ARHGAP28: variants seen among roughly 807,000 people sequenced by gnomAD.
The protein encoded by ARHGAP28 is rho GTPase-activating protein 28.
In ARHGAP28, 56 loss-of-function variants were observed where a neutral mutation model predicts 90.7. That is an observed-to-expected ratio of 0.62 (90% CI 0.50 to 0.77). The LOEUF (loss-of-function observed/expected upper bound fraction) is 0.77, where lower values mean the gene tolerates loss of function less well. Among genes scored for constraint, ARHGAP28 ranks in the 30% least tolerant of loss-of-function variants. ARHGAP28 has a pLI of 0.00. For synonymous variants in ARHGAP28, 308 were observed against 323.3 expected (o/e 0.95, Z 0.51); for missense variants, 869 against 900.9 (o/e 0.96, Z 0.45).
At chr18:6,820,239 T>C (rs1007539050) in intron 1 of ARHGAP28, among the ~76,000 whole-genome samples, 4 of 152,170 alleles carry the variant, frequency 2.6e-5, no homozygotes, top group Non-Finnish European at 5.9e-5. Context: ...TAAAAAGAAC[T>C]AATTGGATAT....
intron 2 of ARHGAP28, among the ~76,000 whole-genome samples, chr18:6,835,321 T>C (rs9946699): frequency 0.79 from 120,288 of 152,074 alleles, 47,710 homozygotes; most frequent in Middle Eastern, 0.81. Flanking sequence ...AAAGCTTATC[T>C]ATAGCTTAAG....
intron 1 of ARHGAP28, among the ~76,000 whole-genome samples, chr18:6,770,252 A>G (rs1468566100): frequency 1.3e-5 from 2 of 152,244 alleles, no homozygotes; most frequent in African/African-American, 4.8e-5. Context: ...TTATTAAAAT[A>G]TGATATATGG....
At chr18:6,829,267 A>G (rs891898583) in intron 2 of ARHGAP28, among the ~76,000 whole-genome samples, 3 of 152,184 alleles carry the variant, frequency 2.0e-5, no homozygotes, top group African/African-American at 7.2e-5. Flanking sequence ...AGCTATTCAT[A>G]TTAAACACCA....
Position 6,887,175 on chromosome 18 carries a change from TAC to T in ARHGAP28, c.1474_1475del (p.Gln492ValfsTer13). ...TTGTTAGGAGGGCCTCACGTCAAAG[TAC>T]AGTTTCAAGCCTTACACCTCATGGT... On this transcript the variant is annotated frameshift_variant, in exon 12 of 18. Transcript: ENST00000383472. LOFTEE classifies it high-confidence loss of function. The T allele has an allele frequency of 6.2e-7, 1 of 1,614,132 alleles. No homozygotes were observed. Among genetic ancestry groups the T allele is most frequent in the Non-Finnish European group, 8.5e-7 (1 of 1,179,998 alleles).
chr18:6,825,481 T>C (rs1444512589), intron 2 of ARHGAP28, among the ~76,000 whole-genome samples: 4 of 152,220 alleles, frequency 2.6e-5, no homozygotes, highest in African/African-American at 9.6e-5. Context: ...AGCCATGTTG[T>C]TGTTTTTTCC....
intron 1 of ARHGAP28, among the ~76,000 whole-genome samples, chr18:6,815,592 C>T (rs2056584749): frequency 6.6e-6 from 1 of 152,084 alleles, no homozygotes; most frequent in Admixed American, 6.6e-5. Context: ...CACCTATTAG[C>T]AGTCACTCTC....
chr18:6,818,075 G>A (rs2056603560), intron 1 of ARHGAP28, among the ~76,000 whole-genome samples: 1 of 152,160 alleles, frequency 6.6e-6, no homozygotes, highest in Non-Finnish European at 1.5e-5. Flanking sequence ...GGTTGACTAT[G>A]TGCCAGGCAT....
chr18:6,895,755 T>A (rs1244430545), intron 15 of ARHGAP28, among the ~76,000 whole-genome samples: 1 of 152,230 alleles, frequency 6.6e-6, no homozygotes, highest in African/African-American at 2.4e-5. Flanking sequence ...CAATGACCTA[T>A]TTCCAAATAA....
chr18:6,891,292 T>C (rs866327342), intron 14 of ARHGAP28, among the ~76,000 whole-genome samples: 2 of 151,888 alleles, frequency 1.3e-5, no homozygotes, highest in African/African-American at 4.8e-5. Flanking sequence ...GATGGCTTCA[T>C]TGAGGATGCA....
chr18:6,775,087 T>C (rs746302757), intron 1 of ARHGAP28, among the ~76,000 whole-genome samples: 2 of 152,224 alleles, frequency 1.3e-5, no homozygotes, highest in Non-Finnish European at 2.9e-5. Flanking sequence ...TTAACCTCTT[T>C]TCATGTTTAA....
chr18:6,802,163 T>G (rs1323237208), intron 1 of ARHGAP28, among the ~76,000 whole-genome samples: 5 of 152,072 alleles, frequency 3.3e-5, no homozygotes. Context: ...TATCCATCCA[T>G]TGATGAGCAT....
chr18:6,890,631 C>G, intron 14 of ARHGAP28, 88 bp downstream of exon 14: 1 of 737,704 alleles, frequency 1.4e-6, no homozygotes, highest in African/African-American at 1.8e-5. Flanking sequence ...TCATTTAGAA[C>G]CAAGCATTTT....
chr18:6,760,446 T>C lies in ARHGAP28; in HGVS notation c.122+30503T>C, dbSNP rs146505176. On this transcript the variant is annotated intron_variant, in intron 1 of 17. Transcript: ENST00000383472. ...TGTAAAATTATACAGTAGAGTATAA[T>C]GGACATACAGTAAAATAATGAAATT... Among the ~76,000 whole-genome samples the C allele has an allele frequency of 2.4e-3, 360 of 152,300 alleles. 1 individual carries two copies. Among genetic ancestry groups the C allele is most frequent in the African/African-American group, 8.3e-3 (344 of 41,568 alleles).
chr18:6,887,832 A>T (rs1029863769), intron 12 of ARHGAP28, among the ~76,000 whole-genome samples: 3 of 152,224 alleles, frequency 2.0e-5, no homozygotes, highest in African/African-American at 7.2e-5. Flanking sequence ...AGAGGCAAAA[A>T]TGAAGGCTTA....
At chr18:6,773,856 T>C (rs1427812929) in intron 1 of ARHGAP28, 2 of 152,202 alleles carry the variant, frequency 1.3e-5, no homozygotes, top group African/African-American at 4.8e-5. Context: ...TGGGTTTCTA[T>C]TAATCTCAGC....
chr18:6,776,449 G>A (rs1023709515), intron 1 of ARHGAP28, among the ~76,000 whole-genome samples: 2 of 152,180 alleles, frequency 1.3e-5, no homozygotes, highest in East Asian at 1.9e-4. Context: ...GCTGGCCACC[G>A]GCTTGAGTAT....
At chr18:6,828,675 AG>A (rs1317747934) in intron 2 of ARHGAP28, among the ~76,000 whole-genome samples, 1 of 152,214 alleles carries the variant, frequency 6.6e-6, no homozygotes, top group African/African-American at 2.4e-5. Flanking sequence ...TTTATTGAAT[AG>A]GGAGTCTTTT....
chr18:6,756,215 A>T (rs1272672677), intron 1 of ARHGAP28, among the ~76,000 whole-genome samples: 1 of 152,218 alleles, frequency 6.6e-6, no homozygotes, highest in Non-Finnish European at 1.5e-5. Flanking sequence ...GGAAGAGCCA[A>T]CTATTCTTTT....
At chr18:6,848,381 T>C (rs1026277224) in intron 3 of ARHGAP28, among the ~76,000 whole-genome samples, 2 of 152,152 alleles carry the variant, frequency 1.3e-5, no homozygotes, top group African/African-American at 4.8e-5. Flanking sequence ...GGGTCAGGTT[T>C]ATAGGGTAAT....
Sources: gnomAD v4.1 joint callset for allele counts (sites outside exome capture counted in the v4.1 genomes callset) on GRCh38, gnomAD v4.1.1 for gene constraint, MANE v1.5 for transcripts, NCBI Gene and HGNC (gene_info 2026-07-23, HGNC 2026-07-21) for gene names.